Variants in ERG observed in about 807,000 individuals in gnomAD.
ERG encodes ETS transcription factor ERG.
Under a neutral mutation model 55.3 loss-of-function variants are expected in ERG, and 9 were observed. The ratio of observed to expected loss-of-function variants is 0.16; its 90% CI spans 0.10 to 0.28. The LOEUF is 0.28. Among genes scored for constraint, ERG ranks in the 10% least tolerant of loss-of-function variants. The probability of loss-of-function intolerance (pLI) is 1.00; values close to 1 mark genes in which losing one functional copy is unlikely to be tolerated. For synonymous variants in ERG, 223 were observed against 237.3 expected, an observed-to-expected ratio of 0.94 and a Z score of 0.55; for missense variants, 434 against 631.6, an observed-to-expected ratio of 0.69 and a Z score of 3.35.
Position 38,508,995 on chromosome 21 carries a change from A to C in ERG, c.-41+66667T>G, listed in dbSNP as rs79441682. Among the ~76,000 whole-genome samples, 1,032 of 152,330 alleles carry C rather than the reference A, an allele frequency of 6.8e-3. 4 individuals carry two copies. The highest frequency in any genetic ancestry group is 0.011 in the Non-Finnish European group (724 of 68,032). On this transcript the variant is annotated intron_variant, in intron 2 of 8. Transcript: ENST00000398897. ...TGTAGGTGTTCCAGTCATCAGTCCC[A>C]GCCCACAGCCAGCATTAACCCCCAG...
At chr21:38,479,897 T>C (rs2059221742) in intron 1 of ERG, among the ~76,000 whole-genome samples, 1 of 152,224 alleles carries the variant, frequency 6.6e-6, no homozygotes, top group Non-Finnish European at 1.5e-5. Context: ...ATATGATCTT[T>C]TTCCTTGTAA....
intron 2 of ERG, among the ~76,000 whole-genome samples, chr21:38,504,985 T>G (rs2059449383): frequency 6.6e-6 from 1 of 152,232 alleles, no homozygotes; most frequent in South Asian, 2.1e-4. Context: ...ATAATAGCAT[T>G]CAATTGATAG....
chr21:38,561,829 C>T (rs936979967), intron 2 of ERG, among the ~76,000 whole-genome samples: 4 of 152,110 alleles, frequency 2.6e-5, no homozygotes, highest in African/African-American at 9.7e-5. Context: ...TACAAACAAA[C>T]AAGACTTTCC....
intron 2 of ERG, among the ~76,000 whole-genome samples, chr21:38,568,735 G>A (rs1345304101): frequency 3.3e-5 from 5 of 152,128 alleles, no homozygotes; most frequent in African/African-American, 1.2e-4. Context: ...AATTGAGCCT[G>A]GACACCCTTC....
Position 38,383,116 on chromosome 21 carries a change from C to T in ERG, c.*287G>A. 1.7e-6 allele frequency: 2 copies of T among 1,160,376 alleles called. No homozygotes were observed. The highest frequency in any genetic ancestry group is 2.1e-6 in the Non-Finnish European group (2 of 942,316). 71.9% of individuals were successfully genotyped at this position (1,160,376 alleles called of 1,614,324 possible). ...CATTTCTTAAGACCACTTTCTTTGG[C>T]ACTTTGTCCTTAAGACTTCATGCTT... On this transcript the variant is annotated 3_prime_UTR_variant, in exon 10 of 10. Transcript: ENST00000288319. The surrounding 1 kb of genome is among the most constrained non-coding windows in gnomAD (Gnocchi z 5.7).
At chr21:38,618,567 CT>C (rs2060272425) in intron 1 of ERG, among the ~76,000 whole-genome samples, 2 of 152,170 alleles carry the variant, frequency 1.3e-5, no homozygotes, top group Admixed American at 6.5e-5. Flanking sequence ...GGGGGAACAA[CT>C]TTAAAACAGA....
intron 2 of ERG, among the ~76,000 whole-genome samples, chr21:38,508,410 A>T (rs1460180368): frequency 6.6e-6 from 1 of 151,994 alleles, no homozygotes; most frequent in Non-Finnish European, 1.5e-5. Context: ...AAAAAAAAAT[A>T]CCGGCTGTAA....
intron 2 of ERG, among the ~76,000 whole-genome samples, chr21:38,539,783 A>G (rs563630710): frequency 3.3e-5 from 5 of 152,074 alleles, no homozygotes; most frequent in Non-Finnish European, 7.4e-5. Flanking sequence ...TAGTCAGCAC[A>G]GCACGTATAC....
At chr21:38,434,480 G>C (rs1990367107) in intron 2 of ERG, among the ~76,000 whole-genome samples, 1 of 152,210 alleles carries the variant, frequency 6.6e-6, no homozygotes, top group African/African-American at 2.4e-5. Context: ...CGCCAGAGAG[G>C]AATGTCTCCC....
intron 1 of ERG, among the ~76,000 whole-genome samples, chr21:38,482,751 G>C (rs888063111): frequency 6.6e-6 from 1 of 151,378 alleles, no homozygotes; most frequent in Non-Finnish European, 1.5e-5. Flanking sequence ...GATCTCGACT[G>C]ACTGCAACCT....
In ERG at chr21:38,381,854, G is replaced by A. The variant is rs969772762; in HGVS notation, c.*1549C>T. 6 of 1,063,698 alleles carry A rather than the reference G, an allele frequency of 5.6e-6. No individual in the cohort carries two copies. In the African/African-American group the frequency reaches 9.8e-5, roughly 17 times the overall value. The allele number at this position is 1,063,698 out of a possible 1,614,324, so 65.9% of individuals were successfully genotyped here. A position where few individuals can be genotyped will look rare whatever the true frequency, so the allele number is the denominator to read the frequency against. ...TAAAAGACAGGAGGGGAGGCAAGAA[G>A]GACCTGGAGAGGCTGACGCCATTTG... On this transcript the variant is annotated 3_prime_UTR_variant, in exon 10 of 10. Transcript: ENST00000288319.
intron 2 of ERG, among the ~76,000 whole-genome samples, chr21:38,570,736 G>A (rs1555863583): frequency 6.6e-6 from 1 of 152,190 alleles, no homozygotes; most frequent in Non-Finnish European, 1.5e-5. Context: ...GCCAGAATGT[G>A]TTCTTATCCA....
chr21:38,463,776 G>C (rs2059064537), intron 1 of ERG, among the ~76,000 whole-genome samples: 1 of 152,226 alleles, frequency 6.6e-6, no homozygotes, highest in Non-Finnish European at 1.5e-5. Flanking sequence ...AGCTGAAACT[G>C]AGGAAATTCC....
chr21:38,499,296 T>C (rs17285245), upstream of ERG, among the ~76,000 whole-genome samples: 5,844 of 152,232 alleles, frequency 0.038, 230 homozygotes, highest in East Asian at 0.2. Context: ...AGAGATGCCA[T>C]GTGAGGGCCC....
chr21:38,527,202 A>G (rs1029869209), intron 2 of ERG, among the ~76,000 whole-genome samples: 36 of 152,160 alleles, frequency 2.4e-4, no homozygotes, highest in Non-Finnish European at 4.3e-4. Context: ...TATTAGACTG[A>G]AACAGTGAGA....
rs191822323 is a variant in ERG, at chr21:38,633,517, G to A, written c.-150+28141C>T. ...GAGCGAGCATTTCTCAAATGTCATC[G>A]TTATCAACGAATTCACATACCCTGC... On this transcript the variant is annotated intron_variant, in intron 1 of 10. Transcript: ENST00000398910. Among the ~76,000 whole-genome samples the A allele has an allele frequency of 2.3e-3, 346 of 152,282 alleles. 1 individual carries two copies. Among genetic ancestry groups the A allele is most frequent in the African/African-American group, 7.4e-3 (308 of 41,556 alleles).
chr21:38,539,578 C>T (rs1387989658), intron 2 of ERG, among the ~76,000 whole-genome samples: 4 of 151,990 alleles, frequency 2.6e-5, no homozygotes, highest in African/African-American at 9.7e-5. Flanking sequence ...CAGAAATCGA[C>T]GAATAAAGTG....
At chr21:38,632,027 G>C (rs901426467) in intron 1 of ERG, among the ~76,000 whole-genome samples, 2 of 151,984 alleles carry the variant, frequency 1.3e-5, no homozygotes, top group Non-Finnish European at 2.9e-5. Context: ...TTGAAGGAAC[G>C]GCATCTGAGG....
intron 2 of ERG, among the ~76,000 whole-genome samples, chr21:38,515,426 GA>G (rs937296628): frequency 8.6e-5 from 13 of 151,422 alleles, no homozygotes; most frequent in East Asian, 1.9e-4. Flanking sequence ...GATTGGATAG[GA>G]AAAAAAATCT....
Sources: gnomAD v4.1 joint callset for allele counts (sites outside exome capture counted in the v4.1 genomes callset) on GRCh38, gnomAD v4.1.1 for gene constraint, Gnocchi (gnomAD v3.1) non-coding constraint, MANE v1.5 for transcripts, NCBI Gene and HGNC (gene_info 2026-07-23, HGNC 2026-07-21) for gene names.